The following TTPA variants were observed in gnomAD, a reference collection of about 807,000 sequenced individuals.
The protein encoded by TTPA is alpha tocopherol transfer protein, also known as alpha-tocopherol transfer protein.
In TTPA, 23 loss-of-function variants were observed where a neutral mutation model predicts 25.9. That is an observed-to-expected ratio of 0.89 (90% CI 0.64 to 1.26). The LOEUF (loss-of-function observed/expected upper bound fraction) is 1.26, where lower values mean the gene tolerates loss of function less well. Ranked by LOEUF, TTPA falls within the 50% of genes most tolerant of loss-of-function variation. TTPA has a pLI of 0.00. For missense variants in TTPA, 337 were observed against 353.1 expected (o/e 0.95, Z 0.37); for synonymous variants, 148 against 137.3 (o/e 1.08, Z -0.54).
chr8:63,062,766 C>T (rs917783444), intron 4 of TTPA, among the ~76,000 whole-genome samples: 1 of 152,076 alleles, frequency 6.6e-6, no homozygotes, highest in Non-Finnish European at 1.5e-5. Context: ...TTCTTAGGTT[C>T]AGTTTATTCT....
rs894991464 is a variant in TTPA, at chr8:63,085,948, T to C, written c.74A>G (p.Gln25Arg). The change falls in exon 1 of 5, where the codon CAG becomes CGG. Residue 25 changes from glutamine (Q) to arginine (R), a missense_variant. Gln to Arg is a conservative substitution (Grantham distance 43). Transcript: ENST00000260116. Reference protein sequence around the residue: ...NALPDHSPLLQPGLAALRRRA... With the variant: ...NALPDHSPLLRPGLAALRRRA... ...GCGCCGCAGCGCCGCCAGGCCCGGC[T>C]GCAGCAACGGAGAGTGGTCCGGTAG... The C allele has an allele frequency of 1.6e-5, 24 of 1,524,324 alleles. No homozygotes were observed. Among genetic ancestry groups the C allele is most frequent in the Non-Finnish European group, 2.1e-5 (24 of 1,143,714 alleles). The allele number at this position is 1,524,324 out of a possible 1,614,324, so 94.4% of individuals were successfully genotyped here.
At position 63,074,459 on chromosome 8, in the gene TTPA, G is replaced by C. The variant is rs531297875; in HGVS notation, c.205-1371C>G. Among the ~76,000 whole-genome samples, 144 of 152,294 alleles carry C rather than the reference G, an allele frequency of 9.5e-4. 1 individual carries two copies. Among genetic ancestry groups the C allele is most frequent in the African/African-American group, 3.3e-3 (137 of 41,560 alleles). On this transcript the variant is annotated intron_variant, in intron 1 of 4. Transcript: ENST00000260116. Reference sequence around the variant, plus strand: ...AACCTTTCTTAACTTTGAAAAAAGAGAGAATGTTGCTAAGAGTTAAATGCA... The same window carrying C: ...AACCTTTCTTAACTTTGAAAAAAGACAGAATGTTGCTAAGAGTTAAATGCA...
At chr8:63,058,822 A>C (rs1805244906), downstream of TTPA, among the ~76,000 whole-genome samples, 1 of 152,204 alleles carries the variant, frequency 6.6e-6, no homozygotes, top group African/African-American at 2.4e-5. Context: ...ATAAACAAAA[A>C]TAAATGAAGT....
intron 1 of TTPA, 59 bp downstream of exon 1, chr8:63,085,759 G>A (rs773429266): frequency 2.0e-6 from 3 of 1,515,368 alleles, no homozygotes; most frequent in African/African-American, 1.4e-5. Context: ...GGGGTCGTGG[G>A]GCGGGGGACG....
At position 63,080,361 on chromosome 8, in the gene TTPA, G is replaced by GA. The variant is rs1226506082; in HGVS notation, c.204+5456dup. On this transcript the variant is annotated intron_variant, in intron 1 of 4. Coordinates refer to ENST00000260116, the MANE Select transcript of TTPA (RefSeq NM_000370.3). ...GAGATAGAGATACAAAAAACCCTTTGAAAAATCAATGAATCTAGAAGCTGG... is the reference window on the plus strand; with the variant it reads ...GAGATAGAGATACAAAAAACCCTTTGAAAAAATCAATGAATCTAGAAGCTGG... Among the ~76,000 whole-genome samples the GA allele has an allele frequency of 6.6e-5, 10 of 152,148 alleles. 1 individual carries two copies. Among genetic ancestry groups the GA allele is most frequent in the Admixed American group, 5.9e-4 (9 of 15,270 alleles).
At position 63,085,987 on chromosome 8, in the gene TTPA, G is replaced by A; in HGVS notation, c.35C>T (p.Pro12Leu). 1 of 1,494,178 alleles carries A rather than the reference G, an allele frequency of 6.7e-7. No individual in the cohort carries two copies. The highest frequency in any genetic ancestry group is 8.8e-7 in the Non-Finnish European group (1 of 1,130,006). 92.6% of individuals were successfully genotyped at this position (1,494,178 alleles called of 1,614,324 possible). A position where few individuals can be genotyped will look rare whatever the true frequency, so the allele number is the denominator to read the frequency against. ...GTGGTCCGGTAGCGCGTTGAGCTGC[G>A]GCCCCGCCGAGGGCTGGGATCGCGC... ...AEARSQPSAGPQLNALPDHSP... is the reference protein window; with the variant it reads ...AEARSQPSAGLQLNALPDHSP... The change falls in exon 1 of 5, where the codon CCG (proline) becomes CTG (leucine). Residue 12 changes from proline to leucine, a missense_variant. Transcript: ENST00000260116.
At chr8:63,072,476 T>C (rs1038328823) in intron 2 of TTPA, among the ~76,000 whole-genome samples, 4 of 152,212 alleles carry the variant, frequency 2.6e-5, no homozygotes, top group African/African-American at 9.6e-5. Flanking sequence ...TTGGCCAGGT[T>C]GGTCTCGAAC....
chr8:63,066,190 CA>C, intron 2 of TTPA, 93 bp from the exon 3 acceptor site: 2 of 1,280,522 alleles, frequency 1.6e-6, no homozygotes, highest in Non-Finnish European at 2.2e-6. Flanking sequence ...CTTAAAAGAT[CA>C]GTTGAAATAA....
In TTPA at chr8:63,071,404, T is replaced by C. The variant is rs192733113; in HGVS notation, c.358+1531A>G. 1.7e-3 allele frequency among the ~76,000 whole-genome samples: 263 copies of C among 152,336 alleles called. 1 individual carries two copies. The highest frequency in any genetic ancestry group is 5.6e-3 in the Admixed American group (85 of 15,300). ...TAAATATTTTAAATCTTTAAAGATA[T>C]AGTTGTTTCTGTAAAATTATAATTA... On this transcript the variant is annotated intron_variant, in intron 2 of 4. Transcript: ENST00000260116.
downstream of TTPA, among the ~76,000 whole-genome samples, chr8:63,059,187 A>G (rs1193427187): frequency 2.0e-5 from 3 of 149,018 alleles, no homozygotes; most frequent in African/African-American, 4.9e-5. Flanking sequence ...GCCCGCCACT[A>G]CGCCCGGCTA....
At chr8:63,072,173 A>G (rs1805493172) in intron 2 of TTPA, among the ~76,000 whole-genome samples, 1 of 152,178 alleles carries the variant, frequency 6.6e-6, no homozygotes, top group Admixed American at 6.5e-5. Context: ...GTACCAGACC[A>G]TGTTTTCAGT....
At chr8:63,082,473 T>C (rs909658275) in intron 1 of TTPA, among the ~76,000 whole-genome samples, 3 of 152,042 alleles carry the variant, frequency 2.0e-5, no homozygotes, top group Admixed American at 6.6e-5. Flanking sequence ...CTTCCTTACA[T>C]CTTATACAAA....
intron 2 of TTPA, 106 bp from the exon 3 acceptor site, chr8:63,066,203 A>G: frequency 8.7e-7 from 1 of 1,143,516 alleles, no homozygotes; most frequent in Non-Finnish European, 1.3e-6. Flanking sequence ...TTGAAATAAA[A>G]ACATCTACAA....
Position 63,072,993 on chromosome 8 carries a change from G to A in TTPA, c.300C>T (p.Tyr100=). Residue 100 remains tyrosine, a synonymous_variant, in exon 2 of 5, where the codon TAC becomes TAT. Coordinates refer to ENST00000260116, the MANE Select transcript of TTPA (RefSeq NM_000370.3). ...RSIIGLLKAG[Y]HGVLRSRDPT... ...GATCCCTGGATCTCAGGACTCCATG[G>A]TAGCCAGCCTTTAGGAGGCCAATAA... 2 of 1,614,058 alleles carry A rather than the reference G, an allele frequency of 1.2e-6. No individual in the cohort carries two copies. The highest frequency in any genetic ancestry group is 1.1e-5 in the South Asian group (1 of 91,086).
intron 1 of TTPA, among the ~76,000 whole-genome samples, chr8:63,085,526 A>C (rs910335043): frequency 6.6e-6 from 1 of 152,128 alleles, no homozygotes; most frequent in African/African-American, 2.4e-5. Context: ...GGTTCAGGAG[A>C]CTCATCTAGC....
In TTPA at chr8:63,059,707, G is replaced by A. The variant is rs547533075; in HGVS notation, c.*1545C>T. 50 of 152,218 alleles carry A rather than the reference G, an allele frequency of 3.3e-4. 1 individual carries two copies. Among genetic ancestry groups the A allele is most frequent in the African/African-American group, 1.2e-3 (48 of 41,552 alleles). 9.4% of individuals were successfully genotyped at this position (152,218 alleles called of 1,614,324 possible). ...CTATGTTGAATTTGAAAGCTGAGATGATATCTTTCTTAATAAATGAAATAT... is the reference window on the plus strand; with the variant it reads ...CTATGTTGAATTTGAAAGCTGAGATAATATCTTTCTTAATAAATGAAATAT... On this transcript the variant is annotated 3_prime_UTR_variant, in exon 5 of 5. Transcript: ENST00000260116.
intron 4 of TTPA, 102 bp from the exon 5 acceptor site, chr8:63,061,527 G>C: frequency 9.9e-7 from 1 of 1,009,406 alleles, no homozygotes; most frequent in Non-Finnish European, 1.5e-6. Context: ...CTAAAATGGA[G>C]TGTATAAATA....
intron 1 of TTPA, 27 bp downstream of exon 1, chr8:63,085,791 C>T (rs1018032856): frequency 2.0e-6 from 3 of 1,531,514 alleles, no homozygotes; most frequent in Non-Finnish European, 2.6e-6. Context: ...GTGCGCACTG[C>T]CGAGCGCCCT....
intron 1 of TTPA, among the ~76,000 whole-genome samples, chr8:63,084,555 T>C (rs1465378706): frequency 6.6e-6 from 1 of 152,206 alleles, no homozygotes; most frequent in Non-Finnish European, 1.5e-5. Flanking sequence ...GTATACCAGT[T>C]GATATGGGAT....
Sources: gnomAD v4.1 joint callset for allele counts (sites outside exome capture counted in the v4.1 genomes callset) on GRCh38, gnomAD v4.1.1 for gene constraint, MANE v1.5 for transcripts, NCBI Gene and HGNC (gene_info 2026-07-23, HGNC 2026-07-21) for gene names.